The following CTNND2 variants were observed in gnomAD, a reference collection of about 807,000 sequenced individuals.
The protein encoded by CTNND2 is catenin delta 2, also known as catenin delta-2.
CTNND2 carries 22 observed loss-of-function variants against 144.4 expected under a neutral mutation model. The observed-to-expected ratio is 0.15, with a 90% CI of 0.11 to 0.22. CTNND2 has a LOEUF of 0.22. CTNND2 is among the 10% of genes least tolerant of loss of function. The probability of loss-of-function intolerance (pLI) is 1.00; values close to 1 mark genes in which losing one functional copy is unlikely to be tolerated. For synonymous variants in CTNND2, 751 were observed against 695.6 expected, an observed-to-expected ratio of 1.08 and a Z score of -1.25; for missense variants, 1,353 against 1,618.8, an observed-to-expected ratio of 0.84 and a Z score of 2.82.
chr5:11,240,203 ACACC>A (rs1396835623), intron 9 of CTNND2, among the ~76,000 whole-genome samples: 3 of 113,414 alleles, frequency 2.6e-5, no homozygotes, highest in South Asian at 6.1e-4. Flanking sequence ...ACACACACAC[ACACC>A]CCCAACACAC....
chr5:11,811,300 T>G (rs1475832045), intron 1 of CTNND2, among the ~76,000 whole-genome samples: 1 of 152,178 alleles, frequency 6.6e-6, no homozygotes, highest in Non-Finnish European at 1.5e-5. Flanking sequence ...GGTTAAATAC[T>G]GCTGCCTTGG....
At chr5:11,892,307 C>A (rs899055753) in intron 1 of CTNND2, among the ~76,000 whole-genome samples, 1 of 152,202 alleles carries the variant, frequency 6.6e-6, no homozygotes, top group Admixed American at 6.5e-5. Context: ...TATTTGTCTT[C>A]TCGATGCCTT....
intron 9 of CTNND2, among the ~76,000 whole-genome samples, chr5:11,344,533 C>A (rs1754582299): frequency 6.6e-6 from 1 of 152,052 alleles, no homozygotes; most frequent in Non-Finnish European, 1.5e-5. Flanking sequence ...CACAATAGTC[C>A]AGTTCTGGTT....
intron 2 of CTNND2, among the ~76,000 whole-genome samples, chr5:11,579,308 T>A (rs1437094594): frequency 6.6e-6 from 1 of 152,176 alleles, no homozygotes; most frequent in East Asian, 1.9e-4. Flanking sequence ...TTTGTATAAG[T>A]TGGAGCAAAA....
At chr5:11,059,057 C>A (rs1056800821) in intron 16 of CTNND2, among the ~76,000 whole-genome samples, 1 of 152,202 alleles carries the variant, frequency 6.6e-6, no homozygotes. Flanking sequence ...AGGGACTTGC[C>A]TTGTCTCAGA....
rs1290854615 is a variant in CTNND2, at chr5:11,209,498, A to T, written c.1762-9837T>A. Among the ~76,000 whole-genome samples, 5 of 152,252 alleles carry T rather than the reference A, an allele frequency of 3.3e-5. No homozygotes were observed. In the East Asian group the frequency reaches 5.8e-4, roughly 18 times the overall value. ...GAGAAGTTGACTATAGATCATGTAC[A>T]TTCCAAGAATTTAAGAACTAAATGA... On this transcript the variant is annotated intron_variant, in intron 10 of 21. Transcript: ENST00000304623.
At chr5:11,287,746 C>T (rs1166248271) in intron 9 of CTNND2, among the ~76,000 whole-genome samples, 1 of 152,132 alleles carries the variant, frequency 6.6e-6, no homozygotes, top group Non-Finnish European at 1.5e-5. Context: ...ATTTAGAGTA[C>T]ATTTCGTTTT....
chr5:11,839,849 A>G (rs1794367469), intron 1 of CTNND2, among the ~76,000 whole-genome samples: 1 of 152,114 alleles, frequency 6.6e-6, no homozygotes, highest in African/African-American at 2.4e-5. Flanking sequence ...GACCTAGCCT[A>G]GGCAGGCGTG....
At chr5:11,576,283 TTA>T (rs1294714872) in intron 2 of CTNND2, among the ~76,000 whole-genome samples, 3 of 152,104 alleles carry the variant, frequency 2.0e-5, no homozygotes, top group African/African-American at 7.2e-5. Context: ...ACAAATGTGA[TTA>T]TGTTACTCAT....
At chr5:11,309,407 T>C (rs1332365001) in intron 9 of CTNND2, among the ~76,000 whole-genome samples, 1 of 152,224 alleles carries the variant, frequency 6.6e-6, no homozygotes, top group Non-Finnish European at 1.5e-5. Context: ...GAGATTATTT[T>C]GGAGTTTTAA....
chr5:11,004,692 G>A lies in CTNND2; in HGVS notation c.3085-12015C>T, dbSNP rs564895493. ...GCAGGAGAATTGCTTGAACTGTTTCGTTTTTGCAGAGGTTGCAGTAAGCTG... is the reference window on the plus strand; with the variant it reads ...GCAGGAGAATTGCTTGAACTGTTTCATTTTTGCAGAGGTTGCAGTAAGCTG... On this transcript the variant is annotated intron_variant, in intron 18 of 21. Coordinates refer to ENST00000304623, the MANE Select transcript of CTNND2 (RefSeq NM_001332.4). Among the ~76,000 whole-genome samples, 9 of 147,590 alleles carry A rather than the reference G, an allele frequency of 6.1e-5. No individual in the cohort carries two copies. In the South Asian group the frequency reaches 6.4e-4, roughly 11 times the overall value.
chr5:11,111,277 C>G (rs1456667850), intron 13 of CTNND2, among the ~76,000 whole-genome samples: 1 of 152,224 alleles, frequency 6.6e-6, no homozygotes, highest in Admixed American at 6.5e-5. Flanking sequence ...ATAGTTACTT[C>G]TATAAACATC....
intron 7 of CTNND2, among the ~76,000 whole-genome samples, chr5:11,380,996 G>A (rs751818527): frequency 1.2e-4 from 19 of 152,140 alleles, no homozygotes; most frequent in Non-Finnish European, 1.6e-4. Flanking sequence ...CGGTCCCTCT[G>A]CAGCCCACTC....
At chr5:11,440,884 T>C (rs1764200519) in intron 3 of CTNND2, among the ~76,000 whole-genome samples, 1 of 152,220 alleles carries the variant, frequency 6.6e-6, no homozygotes, top group Admixed American at 6.5e-5. Flanking sequence ...TTTGCTTTTA[T>C]ATGCTGAGTT....
intron 3 of CTNND2, among the ~76,000 whole-genome samples, chr5:11,563,860 C>T (rs758281175): frequency 4.1e-4 from 63 of 152,128 alleles, no homozygotes; most frequent in Admixed American, 2.0e-4. Context: ...ACAATGAATA[C>T]AAAGACATTT....
chr5:11,445,629 C>T (rs984229383), intron 3 of CTNND2, among the ~76,000 whole-genome samples: 2 of 152,186 alleles, frequency 1.3e-5, no homozygotes, highest in African/African-American at 2.4e-5. Flanking sequence ...AATAAGACTG[C>T]ATCCCAGTGA....
intron 8 of CTNND2, among the ~76,000 whole-genome samples, chr5:11,346,967 T>C (rs1754863793): frequency 6.6e-6 from 1 of 152,180 alleles, no homozygotes; most frequent in African/African-American, 2.4e-5. Flanking sequence ...GCATGGGAAG[T>C]TAATTCTTCA....
intron 3 of CTNND2, among the ~76,000 whole-genome samples, chr5:11,496,875 T>C (rs1042175815): frequency 6.6e-6 from 1 of 151,692 alleles, no homozygotes; most frequent in African/African-American, 2.4e-5. Context: ...ACTGGTGACA[T>C]GGTGTGAGAG....
chr5:11,152,876 G>T (rs968508419), intron 12 of CTNND2, among the ~76,000 whole-genome samples: 3 of 152,218 alleles, frequency 2.0e-5, no homozygotes, highest in Admixed American at 2.0e-4. Context: ...AGGACCAGGT[G>T]TGGGAAAATG....
Sources: gnomAD v4.1 joint callset for allele counts (sites outside exome capture counted in the v4.1 genomes callset) on GRCh38, gnomAD v4.1.1 for gene constraint, MANE v1.5 for transcripts, NCBI Gene and HGNC (gene_info 2026-07-23, HGNC 2026-07-21) for gene names.